Variants in EMC1 observed in about 807,000 individuals in gnomAD.
EMC1 encodes the protein ER membrane protein complex subunit 1, also known as KIAA0090.
In EMC1, 103 loss-of-function variants were observed where a neutral mutation model predicts 128.8. That is an observed-to-expected ratio of 0.80 (90% CI 0.68 to 0.94). The LOEUF (loss-of-function observed/expected upper bound fraction) is 0.94, where lower values mean the gene tolerates loss of function less well. Among genes scored for constraint, EMC1 ranks in the 40% least tolerant of loss-of-function variants. The pLI is 0.00. For synonymous variants in EMC1, 442 were observed against 490.4 expected (o/e 0.90, Z 1.30); for missense variants, 1,083 against 1,250.6 (o/e 0.87, Z 2.02).
intron 1 of EMC1, among the ~76,000 whole-genome samples, chr1:19,249,227 A>G (rs2093645782): frequency 6.6e-6 from 1 of 152,118 alleles, no homozygotes; most frequent in Non-Finnish European, 1.5e-5. Flanking sequence ...AGTCCACAGT[A>G]GTGTACAGTA....
intron 18 of EMC1, 146 bp downstream of exon 18, chr1:19,227,167 C>T: frequency 1.2e-6 from 1 of 840,192 alleles, no homozygotes; most frequent in Non-Finnish European, 1.9e-6. Flanking sequence ...ATATTATCCC[C>T]ATTTCACAAA....
rs957934394 is a variant in EMC1, at chr1:19,217,971, T to A, written c.*1332A>T. ...CTAACCAACCCATATATGATTAAAC[T>A]GACCTTTCCTTACTAAAATAAAATA... On this transcript the variant is annotated 3_prime_UTR_variant, in exon 23 of 23. Coordinates refer to ENST00000477853, the MANE Select transcript of EMC1 (RefSeq NM_015047.3). 5 of 152,238 alleles carry A rather than the reference T, an allele frequency of 3.3e-5. No individual in the cohort carries two copies. Among genetic ancestry groups the A allele is most frequent in the African/African-American group, 1.2e-4 (5 of 41,462 alleles). 9.4% of individuals were successfully genotyped at this position (152,238 alleles called of 1,614,324 possible).
In EMC1 at chr1:19,242,427, T is replaced by A. The variant is rs536488842; in HGVS notation, c.427A>T (p.Ile143Phe). The change falls in exon 5 of 23, where the codon ATC becomes TTC. Residue 143 changes from isoleucine (I) to phenylalanine (F), a missense_variant. Ile to Phe is a conservative substitution (Grantham distance 21). Around this residue, in one of 3 missense-constraint regions of EMC1, gnomAD observed 544 missense variants for 572.4 expected, o/e 0.95. Coordinates refer to ENST00000477853, the MANE Select transcript of EMC1 (RefSeq NM_015047.3). ...LVGLQESVRY[I>F]AVLKKTTLAL... is the part of the protein sequence containing the mutation. ...AGTGTAGTCTTCTTCAGGACTGCGATGTACCTTACAGACTCCTGCAGGCCA... is the reference window on the plus strand; with the variant it reads ...AGTGTAGTCTTCTTCAGGACTGCGAAGTACCTTACAGACTCCTGCAGGCCA... 2 of 1,614,066 alleles carry A rather than the reference T, an allele frequency of 1.2e-6. No homozygotes were observed. The highest frequency in any genetic ancestry group is 2.7e-5 in the African/African-American group (2 of 74,916).
Position 19,241,030 on chromosome 1 carries a change from C to T in EMC1, c.622G>A (p.Glu208Lys), listed in dbSNP as rs375695001. The T allele has an allele frequency of 1.9e-6, 3 of 1,614,206 alleles. No homozygotes were observed. Among genetic ancestry groups the T allele is most frequent in the Non-Finnish European group, 2.5e-6 (3 of 1,180,026 alleles). Reference protein sequence around the residue: ...NIVKFNVEDGEIVQQVRVSTP... With the variant: ...NIVKFNVEDGKIVQQVRVSTP... ...CCCTCCTGTACCTGCTGAACAATCT[C>T]TCCATCTTCCACATTAAACTTGACA... is the stretch of plus-strand genomic sequence containing the variant. Residue 208 changes from glutamate to lysine, a missense_variant, in exon 6 of 23, where the codon GAG becomes AAG. Glu to Lys is a moderately conservative substitution (Grantham distance 56). Around this residue, in one of 3 missense-constraint regions of EMC1, gnomAD observed 544 missense variants for 572.4 expected, o/e 0.95. Transcript: ENST00000477853.
At chr1:19,235,297 G>A in intron 12 of EMC1, 45 bp from the exon 13 acceptor site, 5 of 1,589,110 alleles carry the variant, frequency 3.1e-6, no homozygotes, top group Non-Finnish European at 4.3e-6. Context: ...GCTGGGCACA[G>A]TGGCTCATGC....
At chr1:19,238,473 T>G (rs1021642181) in intron 10 of EMC1, among the ~76,000 whole-genome samples, 12 of 152,132 alleles carry the variant, frequency 7.9e-5, no homozygotes, top group Non-Finnish European at 1.8e-4. Flanking sequence ...CAGGAACCTA[T>G]GCCTCCAGCC....
chr1:19,220,251 C>T (rs1365198845), intron 21 of EMC1: 5 of 160,496 alleles, frequency 3.1e-5, no homozygotes, highest in Non-Finnish European at 6.9e-5. Context: ...AAGATATTGG[C>T]TTGCCCACAT....
rs144374191 is a variant in EMC1, at chr1:19,216,233, C to CAAAA, written c.*3066_*3069dup. 4.6e-5 allele frequency: 6 copies of CAAAA among 129,570 alleles called. No homozygotes were observed. Among genetic ancestry groups the CAAAA allele is most frequent in the African/African-American group, 5.7e-5 (2 of 35,216 alleles). The allele number at this position is 129,570 out of a possible 1,614,324, so 8.0% of individuals were successfully genotyped here. A position where few individuals can be genotyped will look rare whatever the true frequency, so the allele number is the denominator to read the frequency against. ...GCCTGGGTGACAGAGACCCTGCCTC[C>CAAAA]AAAAAAAAAGCAATTTATAAAGGCA... On this transcript the variant is annotated 3_prime_UTR_variant, in exon 23 of 23. Transcript: ENST00000477853.
chr1:19,222,524 T>G, intron 20 of EMC1, 100 bp downstream of exon 20: 1 of 1,020,066 alleles, frequency 9.8e-7, no homozygotes, highest in Non-Finnish European at 1.5e-6. Flanking sequence ...CCCTTACAGG[T>G]GGTTCAACAA....
Position 19,219,083 on chromosome 1 carries a change from A to T in EMC1, c.*220T>A. The T allele has an allele frequency of 1.9e-6, 1 of 514,816 alleles. No homozygotes were observed. The highest frequency in any genetic ancestry group is 2.7e-5 in the South Asian group (1 of 36,986). The allele number at this position is 514,816 out of a possible 1,614,324, so 31.9% of individuals were successfully genotyped here. ...AGAAAGCCCATCAGGAATCTCTGAGAGTGTCAGCTGAGAGAGTTCTGTCTC... is the reference window on the plus strand; with the variant it reads ...AGAAAGCCCATCAGGAATCTCTGAGTGTGTCAGCTGAGAGAGTTCTGTCTC... On this transcript the variant is annotated 3_prime_UTR_variant, in exon 23 of 23. Coordinates refer to ENST00000477853, the MANE Select transcript of EMC1 (RefSeq NM_015047.3).
intron 12 of EMC1, among the ~76,000 whole-genome samples, chr1:19,235,655 T>C (rs2027306): frequency 0.48 from 72,673 of 151,830 alleles, 19,244 homozygotes; most frequent in East Asian, 0.72. Flanking sequence ...GAGCCGAGAT[T>C]GTGCCATTGC....
rs2093413245 is a variant in EMC1, at chr1:19,219,309, C to T, written c.2976G>A (p.Trp992Ter). The change falls in exon 23 of 23, where the codon TGG becomes TGA. Residue 992 changes from tryptophan to a stop codon, truncating the protein, a stop_gained. Transcript: ENST00000477853. LOFTEE classifies it high-confidence loss of function. ...TAGGCACAGTCTTTGTTCTTTATCG[C>T]CAGGCCCGATTCAGGAGCTTCACCT... ...LAQVKLLNRA[W>*]R 6.2e-7 allele frequency: 1 copy of T among 1,614,086 alleles called. No individual in the cohort carries two copies.
intron 20 of EMC1, 38 bp downstream of exon 20, chr1:19,222,586 G>A (rs2093440048): frequency 6.3e-7 from 1 of 1,595,030 alleles, no homozygotes; most frequent in Non-Finnish European, 8.6e-7. Flanking sequence ...GGTTGCCCAA[G>A]GGAACCCAGC....
intron 1 of EMC1, among the ~76,000 whole-genome samples, chr1:19,249,204 A>G (rs2093645645): frequency 2.0e-5 from 3 of 152,206 alleles, no homozygotes; most frequent in Non-Finnish European, 4.4e-5. Context: ...GTCTAAATGC[A>G]CAGTATTTAT....
chr1:19,242,705 G>A (rs147337143), intron 4 of EMC1, among the ~76,000 whole-genome samples: 2 of 152,260 alleles, frequency 1.3e-5, no homozygotes, highest in Non-Finnish European at 2.9e-5. Context: ...TCTCCTAAGG[G>A]CTGTTCCCTC....
chr1:19,244,916 A>G lies in EMC1; in HGVS notation c.210T>C (p.Thr70=), dbSNP rs2093625051. 1.2e-6 allele frequency: 2 copies of G among 1,613,628 alleles called. No individual in the cohort carries two copies. Among genetic ancestry groups the G allele is most frequent in the Non-Finnish European group, 1.7e-6 (2 of 1,179,762 alleles). Residue 70 remains threonine, a synonymous_variant, in exon 2 of 23, where the codon ACT becomes ACC. Coordinates refer to ENST00000477853, the MANE Select transcript of EMC1 (RefSeq NM_015047.3). ...TCTCAGTTCACTCACAGATCTCCCCAGTTCGGGAATTTAATGCTGCAATCA... is the reference window on the plus strand; with the variant it reads ...TCTCAGTTCACTCACAGATCTCCCCGGTTCGGGAATTTAATGCTGCAATCA... ...KNVIAALNSR[T]GEILWRHVDK... is the part of the protein sequence containing the mutation.
At position 19,223,491 on chromosome 1, in the gene EMC1, G is replaced by C. The variant is rs1033077374; in HGVS notation, c.2281C>G (p.Leu761Val). The C allele has an allele frequency of 6.2e-7, 1 of 1,614,168 alleles. No individual in the cohort carries two copies. The highest frequency in any genetic ancestry group is 1.6e-4 in the Middle Eastern group (1 of 6,062). Residue 761 changes from leucine to valine, a missense_variant, in exon 19 of 23, where the codon CTC becomes GTC. Physicochemically the swap from Leu to Val is conservative, Grantham distance 32 (BLOSUM62 1). Coordinates refer to ENST00000477853, the MANE Select transcript of EMC1 (RefSeq NM_015047.3). ...ATACGCCCAGTGACGCCATCAATGA[G>C]GAAGATGCCAATAAAGGTGCGCTCA... is the stretch of plus-strand genomic sequence containing the variant. ...HHERTFIGIF[L>V]IDGVTGRIIH...
At chr1:19,236,734 G>A (rs1444917071) in intron 12 of EMC1, among the ~76,000 whole-genome samples, 16 of 151,170 alleles carry the variant, frequency 1.1e-4, no homozygotes, top group East Asian at 5.9e-4. Flanking sequence ...TTGGGAGGCC[G>A]AGGCAGGCGG....
intron 6 of EMC1, 123 bp from the exon 7 acceptor site, chr1:19,240,569 T>C: frequency 8.9e-7 from 1 of 1,127,344 alleles, no homozygotes; most frequent in Non-Finnish European, 1.3e-6. Context: ...TCTTCATGGT[T>C]GGTTGTATAG....
Sources: gnomAD v4.1 joint callset for allele counts (sites outside exome capture counted in the v4.1 genomes callset) on GRCh38, gnomAD v4.1.1 for gene constraint, gnomAD v4.1.1 regional missense constraint, MANE v1.5 for transcripts, NCBI Gene and HGNC (gene_info 2026-07-23, HGNC 2026-07-21) for gene names.